GP6: variants seen among roughly 807,000 people sequenced by gnomAD.
GP6 encodes the protein platelet glycoprotein VI.
GP6 carries 45 observed loss-of-function variants against 37.3 expected under a neutral mutation model. That is an observed-to-expected ratio of 1.21 (90% CI 0.95 to 1.55). The LOEUF is 1.55. GP6 is among the 40% of genes most tolerant of loss of function. The pLI is 0.00. For synonymous variants in GP6, 340 were observed against 316.4 expected, an observed-to-expected ratio of 1.07 and a Z score of -0.79; for missense variants, 813 against 760.2, an observed-to-expected ratio of 1.07 and a Z score of -0.82.
chr19:55,029,135 G>GAAAT (rs1455107299), intron 3 of GP6, among the ~76,000 whole-genome samples: 3 of 149,866 alleles, frequency 2.0e-5, no homozygotes, highest in Non-Finnish European at 4.5e-5. Flanking sequence ...AGGAAGGAAG[G>GAAAT]AAATATATAA....
At chr19:55,024,199 TC>T (rs1203689372) in intron 5 of GP6, among the ~76,000 whole-genome samples, 2 of 150,746 alleles carry the variant, frequency 1.3e-5, no homozygotes, top group Non-Finnish European at 3.0e-5. Flanking sequence ...ATTGTAGACT[TC>T]CTGTGACTCT....
chr19:55,026,015 AAAAAAAAGC>A lies in GP6; in HGVS notation c.611-753_611-745del, dbSNP rs1194912946. On this transcript the variant is annotated intron_variant, in intron 4 of 7. Coordinates refer to ENST00000310373, the MANE Select transcript of GP6 (RefSeq NM_001083899.2). ...AGACTCCCCCCAAAAAAAAAAAAAA[AAAAAAAAGC>A]AGCAGCATTTGTAAAGCACACCTGG... is the stretch of plus-strand genomic sequence containing the variant. Among the ~76,000 whole-genome samples, 8 of 151,562 alleles carry A rather than the reference AAAAAAAAGC, an allele frequency of 5.3e-5. No homozygotes were observed. The East Asian group carries it at 7.7e-4, about 15-fold the overall frequency.
chr19:55,024,354 A>ACACATGCACACG (rs2074220689), intron 5 of GP6, among the ~76,000 whole-genome samples: 2 of 123,818 alleles, frequency 1.6e-5, no homozygotes, highest in South Asian at 4.5e-4. Flanking sequence ...ACATGCACGC[A>ACACATGCACACG]CACACACATA....
intron 4 of GP6, among the ~76,000 whole-genome samples, chr19:55,026,347 C>T (rs2074301658): frequency 6.6e-6 from 1 of 152,168 alleles, no homozygotes. Flanking sequence ...CTTCTCTCTC[C>T]TCTTTCTGGC....
chr19:55,014,578 C>T lies in GP6; in HGVS notation c.1367G>A (p.Arg456Lys). ...AGAGTCAACCCTGAGAGCTGGGAAC[C>T]TTAGAGATCCGTCTGGAGCCCATAT... is the stretch of plus-strand genomic sequence containing the variant. Residue 456 changes from arginine to lysine, a missense_variant, in exon 8 of 8, where the codon AGG becomes AAG. Transcript: ENST00000310373. The T allele has an allele frequency of 1.9e-6, 3 of 1,613,418 alleles. No homozygotes were observed. Among genetic ancestry groups the T allele is most frequent in the Non-Finnish European group, 2.5e-6 (3 of 1,179,496 alleles).
At chr19:55,031,036 T>C (rs1338109835) in intron 3 of GP6, among the ~76,000 whole-genome samples, 2 of 151,660 alleles carry the variant, frequency 1.3e-5, no homozygotes, top group Non-Finnish European at 2.9e-5. Flanking sequence ...TGTTTAAAGA[T>C]GAGGTCTCAC....
chr19:55,029,331 T>C (rs2074434351), intron 3 of GP6, among the ~76,000 whole-genome samples: 1 of 1,052 alleles, frequency 9.5e-4, no homozygotes, highest in Non-Finnish European at 1.7e-3. Context: ...TATATATATA[T>C]ATATATATAT....
chr19:55,026,515 T>G (rs2074308446), intron 4 of GP6, among the ~76,000 whole-genome samples: 1 of 152,206 alleles, frequency 6.6e-6, no homozygotes, highest in Non-Finnish European at 1.5e-5. Flanking sequence ...TCCTTCTTTT[T>G]TAAGGCTGCA....
chr19:55,031,276 A>T (rs1294502233), intron 3 of GP6, among the ~76,000 whole-genome samples: 3 of 152,234 alleles, frequency 2.0e-5, no homozygotes, highest in Admixed American at 6.5e-5. Flanking sequence ...ACAAAGTTTT[A>T]AAAAGAATCC....
intron 5 of GP6, among the ~76,000 whole-genome samples, chr19:55,022,716 TAGAC>T (rs1009727624): frequency 1.2e-4 from 18 of 151,958 alleles, no homozygotes; most frequent in Non-Finnish European, 1.6e-4. Flanking sequence ...ACACCAACAA[TAGAC>T]AGGCAGAGAG....
intron 5 of GP6, among the ~76,000 whole-genome samples, chr19:55,020,925 AC>A (rs2074053517): frequency 6.6e-6 from 1 of 151,484 alleles, no homozygotes; most frequent in South Asian, 2.1e-4. Flanking sequence ...TGTGGCATGC[AC>A]CTGCAGTCCC....
rs1370762760 is a variant in GP6 at position 55,014,474 on chromosome 19, G to A, written c.1471C>T (p.His491Tyr). 5 of 1,614,040 alleles carry A rather than the reference G, an allele frequency of 3.1e-6. No homozygotes were observed. The South Asian group carries it at 5.5e-5, about 18-fold the overall frequency. ...CCGCAGTGGGAGATGGAGTGAGGGT[G>A]AGAGTTTCTGGGGAAAACCAGACAA... Residue 491 changes from histidine (H) to tyrosine (Y), a missense_variant, in exon 8 of 8, where the codon CAC (histidine) becomes TAC (tyrosine). His to Tyr is a moderately conservative substitution (Grantham distance 83). Transcript: ENST00000310373.
chr19:55,024,373 C>T (rs540004111), intron 5 of GP6, among the ~76,000 whole-genome samples: 3 of 152,224 alleles, frequency 2.0e-5, no homozygotes, highest in African/African-American at 7.2e-5. Context: ...TATGCACGCA[C>T]ACAGTATGTG....
At position 55,015,702 on chromosome 19, in the gene GP6, C is replaced by T. The variant is rs1279286558; in HGVS notation, c.756G>A (p.Lys252=). The change falls in exon 7 of 8, where the codon AAG becomes AAA. Residue 252 remains lysine, a synonymous_variant. Coordinates refer to ENST00000310373, the MANE Select transcript of GP6 (RefSeq NM_001083899.2). ...ACTCACCAGCTGGAGAGTCTGACTC[C>T]TTTGGACTGGCGGTGATACTCCTAG... The T allele has an allele frequency of 6.3e-7, 1 of 1,584,906 alleles. No homozygotes were observed. Among genetic ancestry groups the T allele is most frequent in the Admixed American group, 1.7e-5 (1 of 59,952 alleles).
At chr19:55,026,715 G>T (rs150093787) in intron 4 of GP6, among the ~76,000 whole-genome samples, 1 of 152,040 alleles carries the variant, frequency 6.6e-6, no homozygotes, top group East Asian at 1.9e-4. Context: ...GTGAAACCCC[G>T]TCTCTACTAA....
intron 6 of GP6, among the ~76,000 whole-genome samples, chr19:55,018,090 C>T (rs763777497): frequency 1.9e-4 from 20 of 103,774 alleles, no homozygotes; most frequent in South Asian, 3.0e-4. Context: ...AATAGAACTA[C>T]GTGGGATCAG....
rs374656513 is a variant in GP6 at position 55,029,676 on chromosome 19, C to G, written c.326-1814G>C. Among the ~76,000 whole-genome samples, 11 of 150,806 alleles carry G rather than the reference C, an allele frequency of 7.3e-5. No homozygotes were observed. In the East Asian group the frequency reaches 2.0e-3, roughly 27 times the overall value. On this transcript the variant is annotated intron_variant, in intron 3 of 7. Transcript: ENST00000310373. ...AAGTGCTGGCATTACAGGCGTGAGC[C>G]ACCGTGCCCGACCAGGAATTAAAAA...
rs1329643635 is a variant in GP6, at chr19:55,025,703, C to T, written c.611-432G>A. On this transcript the variant is annotated intron_variant, in intron 4 of 7. Coordinates refer to ENST00000310373, the MANE Select transcript of GP6 (RefSeq NM_001083899.2). ...CCTGGGTGACGCAGTAAGACTCCAT[C>T]TGAAAAAAAAAGGCTTAGCCAGGCG... Among the ~76,000 whole-genome samples, 3 of 138,966 alleles carry T rather than the reference C, an allele frequency of 2.2e-5. No individual in the cohort carries two copies. In the Admixed American group the frequency reaches 2.2e-4, roughly 10 times the overall value. 91.2% of individuals were successfully genotyped at this position (138,966 alleles called of 152,430 possible).
chr19:55,031,979 AC>A (rs1338954442), intron 3 of GP6, among the ~76,000 whole-genome samples, 159 bp downstream of exon 3: 1 of 152,126 alleles, frequency 6.6e-6, no homozygotes, highest in Non-Finnish European at 1.5e-5. Flanking sequence ...TGTCCAAAAA[AC>A]AAAATATTAT....
Sources: gnomAD v4.1 joint callset for allele counts (sites outside exome capture counted in the v4.1 genomes callset) on GRCh38, gnomAD v4.1.1 for gene constraint, MANE v1.5 for transcripts, NCBI Gene and HGNC (gene_info 2026-07-23, HGNC 2026-07-21) for gene names.